Variants in GRM1 observed in about 807,000 individuals in gnomAD.
GRM1 encodes the protein glutamate metabotropic receptor 1, also known as metabotropic glutamate receptor 1.
In GRM1, 33 loss-of-function variants were observed where a neutral mutation model predicts 90.9. That is an observed-to-expected ratio of 0.36 (90% confidence interval 0.28 to 0.49). GRM1 has a LOEUF of 0.49. GRM1 is among the 20% of genes least tolerant of loss of function. GRM1 has a pLI of 0.99. For missense variants in GRM1, 1,190 were observed against 1,534.3 expected (o/e 0.78, Z 3.75); for synonymous variants, 700 against 613.2 (o/e 1.14, Z -2.09).
chr6:146,400,406 A>T (rs1777115456), intron 7 of GRM1, among the ~76,000 whole-genome samples: 1 of 140,526 alleles, frequency 7.1e-6, no homozygotes, highest in African/African-American at 3.2e-5. Context: ...ACCAAAAAAT[A>T]AAAAAAAATA....
At chr6:146,264,971 C>G (rs1010908273) in intron 2 of GRM1, among the ~76,000 whole-genome samples, 2 of 152,058 alleles carry the variant, frequency 1.3e-5, no homozygotes, top group South Asian at 2.1e-4. Flanking sequence ...TGACTTTGCT[C>G]TTGTGAACAG....
At chr6:146,253,936 A>C (rs899006868) in intron 2 of GRM1, among the ~76,000 whole-genome samples, 3 of 152,130 alleles carry the variant, frequency 2.0e-5, no homozygotes, top group Non-Finnish European at 4.4e-5. Flanking sequence ...GGCCACCATG[A>C]ATCTTACTTT....
Position 146,357,705 on chromosome 6 carries a change from A to C in GRM1, c.1602+11A>C. 1 of 1,610,566 alleles carries C rather than the reference A, an allele frequency of 6.2e-7. No individual in the cohort carries two copies. Among genetic ancestry groups the C allele is most frequent in the East Asian group, 2.2e-5 (1 of 44,816 alleles). ...AAGGGCCAGATTAAGGTAAGCCACA[A>C]ATGCATTCTTGCATGGTATCTGTGA... On this transcript the variant is annotated intron_variant, in intron 5 of 7. Coordinates refer to ENST00000282753, the MANE Select transcript of GRM1 (RefSeq NM_001278064.2).
At chr6:146,310,586 T>A (rs1457928849) in intron 3 of GRM1, among the ~76,000 whole-genome samples, 1 of 152,222 alleles carries the variant, frequency 6.6e-6, no homozygotes, top group Non-Finnish European at 1.5e-5. Context: ...GCATCTCTCC[T>A]CGAGAGGTAG....
chr6:146,282,133 C>A (rs1782590900), intron 2 of GRM1, among the ~76,000 whole-genome samples: 1 of 151,752 alleles, frequency 6.6e-6, no homozygotes, highest in African/African-American at 2.4e-5. Flanking sequence ...GTACCTTTAA[C>A]AGGCCACACT....
chr6:146,363,735 A>G (rs1342284871), intron 5 of GRM1, among the ~76,000 whole-genome samples: 1 of 152,224 alleles, frequency 6.6e-6, no homozygotes, highest in East Asian at 1.9e-4. Context: ...AAGGAGAAAA[A>G]CAACTTTAAT....
chr6:146,188,206 G>A (rs893431293), intron 2 of GRM1, among the ~76,000 whole-genome samples: 3 of 151,836 alleles, frequency 2.0e-5, no homozygotes, highest in African/African-American at 7.3e-5. Flanking sequence ...CTTTCTTCCA[G>A]GCATCTTTTC....
At chr6:146,414,124 A>G (rs1777672648) in intron 7 of GRM1, among the ~76,000 whole-genome samples, 1 of 152,210 alleles carries the variant, frequency 6.6e-6, no homozygotes, top group African/African-American at 2.4e-5. Flanking sequence ...AGAAATTGCC[A>G]AACAAATTTA....
chr6:146,144,591 AG>A (rs1478107260), intron 1 of GRM1, among the ~76,000 whole-genome samples: 2 of 152,230 alleles, frequency 1.3e-5, no homozygotes, highest in African/African-American at 4.8e-5. Flanking sequence ...ACTCAGTTTT[AG>A]ATATTTTGTT....
intron 3 of GRM1, among the ~76,000 whole-genome samples, chr6:146,333,223 G>A (rs1331560407): frequency 1.3e-5 from 2 of 152,116 alleles, no homozygotes; most frequent in African/African-American, 4.8e-5. Flanking sequence ...GCTCAGGCTG[G>A]CTGATAAGAG....
At chr6:146,431,303 T>G (rs1261170647) in intron 7 of GRM1, among the ~76,000 whole-genome samples, 2 of 152,202 alleles carry the variant, frequency 1.3e-5, no homozygotes. Context: ...AAATTGGATT[T>G]AATTAAAACA....
intron 2 of GRM1, among the ~76,000 whole-genome samples, chr6:146,265,220 C>T (rs1328338249): frequency 6.6e-6 from 1 of 152,132 alleles, no homozygotes; most frequent in Non-Finnish European, 1.5e-5. Context: ...TAATAATAGC[C>T]ATTCTGACTA....
intron 1 of GRM1, among the ~76,000 whole-genome samples, chr6:146,063,810 A>G (rs1455597583): frequency 6.6e-6 from 1 of 152,152 alleles, no homozygotes; most frequent in African/African-American, 2.4e-5. Flanking sequence ...GCAGTCACAC[A>G]TATCAGAATC....
At chr6:146,239,084 A>G (rs1228721950) in intron 2 of GRM1, among the ~76,000 whole-genome samples, 1 of 152,174 alleles carries the variant, frequency 6.6e-6, no homozygotes, top group East Asian at 1.9e-4. Context: ...CTTCTACAAA[A>G]GACTTATAAA....
intron 1 of GRM1, among the ~76,000 whole-genome samples, chr6:146,152,858 G>T (rs930630248): frequency 6.6e-6 from 1 of 152,126 alleles, no homozygotes; most frequent in African/African-American, 2.4e-5. Flanking sequence ...CAATTACATA[G>T]CCTTTTTATT....
chr6:146,242,500 A>G (rs188292734), intron 2 of GRM1, among the ~76,000 whole-genome samples: 1 of 152,254 alleles, frequency 6.6e-6, no homozygotes, highest in East Asian at 1.9e-4. Flanking sequence ...ATTTTCTAAA[A>G]TGATCACATG....
chr6:146,362,438 G>A (rs554688086), intron 5 of GRM1, among the ~76,000 whole-genome samples: 1 of 152,176 alleles, frequency 6.6e-6, no homozygotes, highest in South Asian at 2.1e-4. Flanking sequence ...CCAGCACTTG[G>A]GGAGGCTGAG....
intron 2 of GRM1, among the ~76,000 whole-genome samples, chr6:146,234,923 A>G (rs1415368030): frequency 2.6e-5 from 4 of 152,002 alleles, no homozygotes; most frequent in African/African-American, 9.7e-5. Context: ...TTTGCATTTT[A>G]AGGAGAGACA....
intron 2 of GRM1, among the ~76,000 whole-genome samples, chr6:146,177,848 A>C (rs915920845): frequency 1.3e-5 from 2 of 152,144 alleles, no homozygotes; most frequent in Non-Finnish European, 2.9e-5. Context: ...TATTTTTATA[A>C]CAGGCCTACA....
Sources: allele counts gnomAD v4.1 joint callset (sites outside exome capture counted in the v4.1 genomes callset), GRCh38; gene constraint gnomAD v4.1.1; transcripts MANE v1.5; gene names NCBI Gene and HGNC (gene_info 2026-07-23, HGNC 2026-07-21).